The following VRK2 variants were observed in gnomAD, a reference collection of about 807,000 sequenced individuals.
The protein encoded by VRK2 is VRK serine/threonine kinase 2, also known as serine/threonine-protein kinase VRK2.
In VRK2, 60 loss-of-function variants were observed where a neutral mutation model predicts 57.6. The ratio of observed to expected loss-of-function variants is 1.04; its 90% CI spans 0.85 to 1.29. The LOEUF (loss-of-function observed/expected upper bound fraction) is 1.29, where lower values mean the gene tolerates loss of function less well. VRK2 is among the 50% of genes most tolerant of loss of function. The pLI, the probability that VRK2 is intolerant of heterozygous loss-of-function variation, is 0.00. For missense variants in VRK2, 705 were observed against 588.1 expected (o/e 1.20, Z -2.06); for synonymous variants, 231 against 199.2 (o/e 1.16, Z -1.35).
intron 1 of VRK2, among the ~76,000 whole-genome samples, chr2:57,982,459 CA>C (rs1196122947): frequency 3.9e-5 from 6 of 152,186 alleles, no homozygotes; most frequent in Non-Finnish European, 2.9e-5. Context: ...TGCACACCAG[CA>C]GGGGAAGGCT....
intron 1 of VRK2, among the ~76,000 whole-genome samples, chr2:58,048,356 G>C (rs1675183784): frequency 6.6e-6 from 1 of 152,138 alleles, no homozygotes; most frequent in Non-Finnish European, 1.5e-5. Flanking sequence ...ACGGTGGTGA[G>C]ATGTCCATTG....
chr2:58,023,244 G>A (rs1673819015), intron 1 of VRK2, among the ~76,000 whole-genome samples: 1 of 152,116 alleles, frequency 6.6e-6, no homozygotes, highest in African/African-American at 2.4e-5. Context: ...CTGTCCTTTT[G>A]TGACTGGCTT....
chr2:58,159,246 A>C (rs1684644312), intron 12 of VRK2, 103 bp from the exon 13 acceptor site: 2 of 871,414 alleles, frequency 2.3e-6, no homozygotes, highest in Non-Finnish European at 3.4e-6. Flanking sequence ...CAAAAACTTG[A>C]TCTTGTATAA....
At chr2:57,998,524 C>T (rs1672993671) in intron 1 of VRK2, among the ~76,000 whole-genome samples, 1 of 152,052 alleles carries the variant, frequency 6.6e-6, no homozygotes, top group Non-Finnish European at 1.5e-5. Context: ...CAGCCTAAAA[C>T]ATATAGGTTA....
chr2:58,069,207 T>G (rs1671826406), intron 2 of VRK2, among the ~76,000 whole-genome samples: 1 of 152,226 alleles, frequency 6.6e-6, no homozygotes, highest in Admixed American at 6.5e-5. Context: ...GCTTCAAGTT[T>G]TAACAGGTCT....
chr2:58,022,680 A>G (rs573429812), intron 1 of VRK2, among the ~76,000 whole-genome samples: 8 of 152,316 alleles, frequency 5.3e-5, no homozygotes, highest in Admixed American at 2.0e-4. Flanking sequence ...GTTTGAGACC[A>G]GCCCAGGCAA....
At chr2:58,118,302 G>T (rs1319383624) in intron 7 of VRK2, among the ~76,000 whole-genome samples, 3 of 142,980 alleles carry the variant, frequency 2.1e-5, no homozygotes, top group Admixed American at 1.4e-4. Flanking sequence ...CCTTTGAAAC[G>T]TGGGTGAATA....
intron 3 of VRK2, chr2:58,033,558 G>A (rs896137103): frequency 1.3e-5 from 2 of 151,938 alleles, no homozygotes; most frequent in Non-Finnish European, 2.9e-5. Context: ...CAGACTGTAA[G>A]AGAATTAATT....
At chr2:58,035,892 A>C (rs1170644663) in intron 3 of VRK2, among the ~76,000 whole-genome samples, 1 of 152,074 alleles carries the variant, frequency 6.6e-6, no homozygotes, top group Non-Finnish European at 1.5e-5. Context: ...TGTAAAAAAC[A>C]CTGTCCTCAA....
chr2:58,062,542 TAAAAG>T (rs1677504546), intron 2 of VRK2, among the ~76,000 whole-genome samples: 1 of 152,002 alleles, frequency 6.6e-6, no homozygotes, highest in African/African-American at 2.4e-5. Context: ...GAAAAGTTCT[TAAAAG>T]AAATTAAAAG....
intron 4 of VRK2, among the ~76,000 whole-genome samples, chr2:58,085,760 CAGT>C (rs1671522645): frequency 6.6e-6 from 1 of 151,504 alleles, no homozygotes; most frequent in Admixed American, 6.6e-5. Context: ...GATTGTTTAT[CAGT>C]AGAGCTGTCT....
At chr2:58,009,959 C>T (rs1349384122) in intron 1 of VRK2, among the ~76,000 whole-genome samples, 1 of 152,072 alleles carries the variant, frequency 6.6e-6, no homozygotes, top group Non-Finnish European at 1.5e-5. Context: ...TTAATGTCCA[C>T]TAGGACACCA....
At chr2:58,146,228 G>T in intron 11 of VRK2, 88 bp from the exon 12 acceptor site, 1 of 1,162,434 alleles carries the variant, frequency 8.6e-7, no homozygotes. Context: ...GGCAAGTTTA[G>T]AGCTTTTAAG....
At chr2:58,031,690 T>A (rs1674114832) in intron 2 of VRK2, among the ~76,000 whole-genome samples, 1 of 152,074 alleles carries the variant, frequency 6.6e-6, no homozygotes, top group Non-Finnish European at 1.5e-5. Flanking sequence ...ACTCAAAACT[T>A]CTTCCTAAAA....
At chr2:58,137,242 C>CATATATGATACATATATATG in intron 10 of VRK2, among the ~76,000 whole-genome samples, 1 of 119,026 alleles carries the variant, frequency 8.4e-6, no homozygotes, top group East Asian at 2.4e-4. Context: ...ACATATATAT[C>CATATATGATACATATATATG]ATATATATGA....
Position 58,089,703 on chromosome 2 carries a change from G to T in VRK2, c.523G>T (p.Gly175Cys), listed in dbSNP as rs1672104949. The change falls in exon 7 of 13, where the codon GGT becomes TGT. Residue 175 changes from glycine to cysteine, a missense_variant. Transcript: ENST00000340157. Reference protein sequence around the residue: ...GDIKAANLLLGYKNPDQVYLA... With the variant: ...GDIKAANLLLCYKNPDQVYLA... ...TATAAAAGCAGCAAATCTACTTTTG[G>T]GTTACAAAAATCCAGACCAGGTAAA... 6.2e-7 allele frequency: 1 copy of T among 1,608,112 alleles called. No individual in the cohort carries two copies. The highest frequency in any genetic ancestry group is 2.2e-5 in the East Asian group (1 of 44,644).
At chr2:58,109,468 A>C (rs1253730257) in intron 7 of VRK2, among the ~76,000 whole-genome samples, 1 of 152,118 alleles carries the variant, frequency 6.6e-6, no homozygotes, top group Non-Finnish European at 1.5e-5. Context: ...TGGGTAATTT[A>C]TAAAGAAAAG....
At chr2:57,940,305 C>T (rs2717035) in intron 1 of VRK2, among the ~76,000 whole-genome samples, 96,639 of 151,784 alleles carry the variant, frequency 0.64, 30,923 homozygotes, top group African/African-American at 0.72. Context: ...GACTCATGTC[C>T]GAGCTCAAGC....
At chr2:57,963,929 C>T (rs546130318) in intron 1 of VRK2, among the ~76,000 whole-genome samples, 48 of 152,300 alleles carry the variant, frequency 3.2e-4, no homozygotes, top group African/African-American at 1.2e-3. Context: ...CTTTAGTGCT[C>T]CAGGAACCAT....
Sources: allele counts gnomAD v4.1 joint callset (sites outside exome capture counted in the v4.1 genomes callset), GRCh38; gene constraint gnomAD v4.1.1; transcripts MANE v1.5; gene names NCBI Gene and HGNC (gene_info 2026-07-23, HGNC 2026-07-21).